Variants in OAS2 observed in about 807,000 individuals in gnomAD.
OAS2 encodes the protein 2'-5'-oligoadenylate synthetase 2.
A neutral mutation model predicts 71.3 loss-of-function variants in OAS2; 67 were observed. The observed-to-expected ratio is 0.94, with a 90% CI of 0.77 to 1.15. The LOEUF is 1.15. OAS2 is among the 50% of genes most tolerant of loss of function. The pLI is 0.00. For missense variants in OAS2, 789 were observed against 822.5 expected (o/e 0.96, Z 0.50); for synonymous variants, 327 against 321.8 (o/e 1.02, Z -0.17).
chr12:112,989,657 T>C (rs999567608), intron 2 of OAS2, among the ~76,000 whole-genome samples: 7 of 152,118 alleles, frequency 4.6e-5, no homozygotes, highest in Non-Finnish European at 1.0e-4. Flanking sequence ...AGATTGTAAA[T>C]GTTTCTTATC....
chr12:112,993,551 G>A (rs1565993061), intron 2 of OAS2, among the ~76,000 whole-genome samples: 2 of 152,184 alleles, frequency 1.3e-5, no homozygotes, highest in African/African-American at 4.8e-5. Context: ...TGTATGAAAG[G>A]AACAAGCTAG....
At chr12:112,981,868 T>C (rs1245490969) in intron 1 of OAS2, among the ~76,000 whole-genome samples, 2 of 152,306 alleles carry the variant, frequency 1.3e-5, no homozygotes, top group African/African-American at 4.8e-5. Context: ...TTCCATTTGC[T>C]TGTGTCACCT....
In OAS2 at chr12:113,009,491, G is replaced by A. The variant is rs2044362441; in HGVS notation, c.*236G>A. On this transcript the variant is annotated 3_prime_UTR_variant, in exon 10 of 10. Transcript: ENST00000392583. ...AGTCTCTACCCAGTAGATGCCACTA[G>A]CCCTCCTCTCCCAGTGACAACCAAA... The A allele has an allele frequency of 8.2e-7, 1 of 1,222,722 alleles. No individual in the cohort carries two copies. Among genetic ancestry groups the A allele is most frequent in the Admixed American group, 4.1e-5 (1 of 24,436 alleles). The allele number at this position is 1,222,722 out of a possible 1,614,324, so 75.7% of individuals were successfully genotyped here.
Position 113,003,086 on chromosome 12 carries a change from A to T in OAS2, c.1163A>T (p.Lys388Met). 6.2e-7 allele frequency: 1 copy of T among 1,614,150 alleles called. No individual in the cohort carries two copies. Among genetic ancestry groups the T allele is most frequent in the Non-Finnish European group, 8.5e-7 (1 of 1,179,998 alleles). Residue 388 changes from lysine (K) to methionine (M), a missense_variant, in exon 6 of 10, where the codon AAG becomes ATG. Physicochemically the swap from Lys to Met is moderately conservative, Grantham distance 95 (BLOSUM62 -1). Coordinates refer to ENST00000392583, the MANE Select transcript of OAS2 (RefSeq NM_002535.3). ...KENCFRQSTA[K>M]IQIVRGGSTA... ...AACTGCTTCCGACAATCAACAGCCA[A>T]GATCCAGATTGTCCGGGTGAGCACT...
intron 2 of OAS2, among the ~76,000 whole-genome samples, chr12:112,992,996 A>C (rs779416923): frequency 1.3e-5 from 2 of 152,132 alleles, no homozygotes; most frequent in Non-Finnish European, 2.9e-5. Context: ...ACTCTTCCCC[A>C]CATGTGCTAC....
intron 2 of OAS2, chr12:112,987,680 G>A (rs1593196917): frequency 2.0e-5 from 22 of 1,112,944 alleles, no homozygotes; most frequent in Non-Finnish European, 2.2e-5. Context: ...CTGCTGGTCC[G>A]CAGATCATGC....
intron 2 of OAS2, among the ~76,000 whole-genome samples, chr12:112,994,085 C>G (rs1238300544): frequency 6.6e-6 from 1 of 152,142 alleles, no homozygotes; most frequent in East Asian, 1.9e-4. Context: ...TCAGACCTCT[C>G]AAAAAGTATC....
chr12:112,988,234 A>G lies in OAS2; in HGVS notation c.448+926A>G, dbSNP rs1457359519. The G allele has an allele frequency of 5.1e-6, 5 of 985,088 alleles. No individual in the cohort carries two copies. The Admixed American group carries it at 3.1e-4, about 61-fold the overall frequency. 61.0% of individuals were successfully genotyped at this position (985,088 alleles called of 1,614,324 possible). A position where few individuals can be genotyped will look rare whatever the true frequency, so the allele number is the denominator to read the frequency against. On this transcript the variant is annotated intron_variant, in intron 2 of 9. Transcript: ENST00000392583. The stretch of plus-strand genomic sequence containing the variant: ...AATGGTCATCAATACCACTGTTAAG[A>G]AGAAAATTCTTGGCCAAATTGAATT...
At chr12:113,002,164 C>G (rs2044296030) in intron 5 of OAS2, among the ~76,000 whole-genome samples, 1 of 152,186 alleles carries the variant, frequency 6.6e-6, no homozygotes, top group South Asian at 2.1e-4. Context: ...AAACCCCACA[C>G]ATGTACCTCC....
At chr12:112,981,318 T>C (rs985363270) in intron 1 of OAS2, among the ~76,000 whole-genome samples, 11 of 152,130 alleles carry the variant, frequency 7.2e-5, no homozygotes, top group African/African-American at 2.7e-4. Context: ...AGCATTACTC[T>C]TCTGCTTTAT....
At position 113,009,993 on chromosome 12, in the gene OAS2, C is replaced by T. The variant is rs2044365962; in HGVS notation, c.*738C>T. ...ATACTTACTCACATTTGGGGCTAGA[C>T]AGTTCTTTGTTTGGAGGCTCTCTTG... On this transcript the variant is annotated 3_prime_UTR_variant, in exon 10 of 10. Coordinates refer to ENST00000392583, the MANE Select transcript of OAS2 (RefSeq NM_002535.3). 1 of 981,380 alleles carries T rather than the reference C, an allele frequency of 1.0e-6. No individual in the cohort carries two copies. The highest frequency in any genetic ancestry group is 1.7e-5 in the African/African-American group (1 of 57,298). 60.8% of individuals were successfully genotyped at this position (981,380 alleles called of 1,614,324 possible). A position where few individuals can be genotyped will look rare whatever the true frequency, so the allele number is the denominator to read the frequency against.
Position 113,006,418 on chromosome 12 carries a change from CT to C in OAS2, c.1475del (p.Leu492ArgfsTer48). 8.4e-6 allele frequency: 13 copies of C among 1,555,060 alleles called. No homozygotes were observed. The highest frequency in any genetic ancestry group is 1.1e-5 in the Non-Finnish European group (13 of 1,137,186). ...VLPAFNALGQ[L>X]SSGSTPSPEV... ...CAATCTCTCCCTCATGCCAGGTCAGCTGAGTTCTGGCTCCACACCCAGCCCC... is the reference window on the plus strand; with the variant it reads ...CAATCTCTCCCTCATGCCAGGTCAGCGAGTTCTGGCTCCACACCCAGCCCC... On this transcript the variant is annotated frameshift_variant, in exon 8 of 10. Transcript: ENST00000392583. LOFTEE classifies it high-confidence loss of function.
chr12:113,007,612 C>A, intron 8 of OAS2, 93 bp from the exon 9 acceptor site: 1 of 1,004,452 alleles, frequency 1.0e-6, no homozygotes, highest in Non-Finnish European at 1.5e-6. Flanking sequence ...ACCAGCACGA[C>A]ACTGTGACTC....
intron 3 of OAS2, among the ~76,000 whole-genome samples, chr12:112,996,193 T>C (rs1402183155): frequency 6.6e-6 from 1 of 152,112 alleles, no homozygotes; most frequent in African/African-American, 2.4e-5. Context: ...CATTTTCAAA[T>C]TGGGGCAATT....
intron 1 of OAS2, among the ~76,000 whole-genome samples, chr12:112,980,133 A>G (rs1565987859): frequency 6.6e-6 from 1 of 152,098 alleles, no homozygotes; most frequent in Non-Finnish European, 1.5e-5. Flanking sequence ...TTATTTTTAC[A>G]TAATTGTGCA....
rs1369833495 is a variant in OAS2, at chr12:113,010,252, A to T, written c.*997A>T. On this transcript the variant is annotated 3_prime_UTR_variant, in exon 10 of 10. Coordinates refer to ENST00000392583, the MANE Select transcript of OAS2 (RefSeq NM_002535.3). The stretch of plus-strand genomic sequence containing the variant: ...TATGCATTATAAATAAATACCAAAA[A>T]ATTGTCTCTGGCAATAGTTACCTTC... The T allele has an allele frequency of 1.1e-5, 16 of 1,478,074 alleles. No homozygotes were observed. The highest frequency in any genetic ancestry group is 1.2e-5 in the Non-Finnish European group (14 of 1,122,418). 91.6% of individuals were successfully genotyped at this position (1,478,074 alleles called of 1,614,324 possible).
intron 9 of OAS2, 25 bp from the exon 10 acceptor site, chr12:113,009,062 T>C (rs752376847): frequency 1.2e-6 from 2 of 1,606,222 alleles, no homozygotes; most frequent in Non-Finnish European, 1.7e-6. Context: ...TGGAATCTCC[T>C]AATGCCTTCT....
Position 112,986,932 on chromosome 12 carries a change from A to G in OAS2, c.178-106A>G. 2.1e-6 allele frequency: 3 copies of G among 1,446,402 alleles called. No homozygotes were observed. In the South Asian group the frequency reaches 4.2e-5, roughly 20 times the overall value. The allele number at this position is 1,446,402 out of a possible 1,614,324, so 89.6% of individuals were successfully genotyped here. A position where few individuals can be genotyped will look rare whatever the true frequency, so the allele number is the denominator to read the frequency against. On this transcript the variant is annotated intron_variant, in intron 1 of 9. Transcript: ENST00000392583. ...AAATGGATGCCTGCCACTCAATGTT[A>G]AGACCATTTTTGGCTTTTACTTGAG... is the stretch of plus-strand genomic sequence containing the variant.
intron 8 of OAS2, among the ~76,000 whole-genome samples, chr12:113,006,811 T>C (rs1476132044): frequency 6.6e-6 from 1 of 152,174 alleles, no homozygotes; most frequent in African/African-American, 2.4e-5. Flanking sequence ...CTACATGTGG[T>C]TTACTTTGCC....
Sources: allele counts gnomAD v4.1 joint callset (sites outside exome capture counted in the v4.1 genomes callset), GRCh38; gene constraint gnomAD v4.1.1; transcripts MANE v1.5; gene names NCBI Gene and HGNC (gene_info 2026-07-23, HGNC 2026-07-21).